The following COL4A6 variants were observed in gnomAD, a reference collection of about 807,000 sequenced individuals.
COL4A6 encodes collagen alpha-6(IV) chain.
A neutral mutation model predicts 126.7 loss-of-function variants in COL4A6; 59 were observed. That is an observed-to-expected ratio of 0.47 (90% CI 0.38 to 0.58). The LOEUF (loss-of-function observed/expected upper bound fraction) is 0.58, where lower values mean the gene tolerates loss of function less well. Among genes scored for constraint, COL4A6 ranks in the 20% least tolerant of loss-of-function variants. The pLI is 0.00. For missense variants in COL4A6, 1,285 were observed against 1,337.3 expected (o/e 0.96, Z 0.61); for synonymous variants, 547 against 496.6 (o/e 1.10, Z -1.35).
chrX:108,181,002 C>A (rs751646182), intron 23 of COL4A6, 34 bp from the exon 24 acceptor site: 16 of 1,134,976 alleles, frequency 1.4e-5, no homozygotes, highest in Non-Finnish European at 1.8e-5. Context: ...TTCAGTGAAC[C>A]CAGAGTTAGG....
At chrX:108,190,063 C>T (rs1443229636) in intron 20 of COL4A6, among the ~76,000 whole-genome samples, 1 of 112,021 alleles carries the variant, frequency 8.9e-6, no homozygotes, top group Non-Finnish European at 1.9e-5. Flanking sequence ...GTTTAGAGCA[C>T]TTTGCTTAAG....
chrX:108,174,400 G>C, intron 31 of COL4A6, 40 bp downstream of exon 31: 1 of 1,184,018 alleles, frequency 8.4e-7, no homozygotes, highest in East Asian at 3.0e-5. Flanking sequence ...GAGATGGGGG[G>C]CCTTTTCTGG....
At chrX:108,419,187 T>C (rs1279788439) in intron 2 of COL4A6, among the ~76,000 whole-genome samples, 1 of 112,376 alleles carries the variant, frequency 8.9e-6, no homozygotes, top group Non-Finnish European at 1.9e-5. Context: ...CACCAGGCTA[T>C]TGATTTCATT....
At chrX:108,358,392 CTT>C (rs34175473) in intron 2 of COL4A6, among the ~76,000 whole-genome samples, 12 of 95,448 alleles carry the variant, frequency 1.3e-4, no homozygotes, top group Middle Eastern at 4.9e-3. Flanking sequence ...AGGATAATGA[CTT>C]TTTTTTTTTT....
intron 3 of COL4A6, among the ~76,000 whole-genome samples, chrX:108,275,624 T>C (rs1250336408): frequency 8.9e-6 from 1 of 112,907 alleles, no homozygotes; most frequent in Non-Finnish European, 1.9e-5. Context: ...CTTGCCACAT[T>C]CTAACTGGGC....
At chrX:108,317,976 T>G (rs1195114589) in intron 2 of COL4A6, among the ~76,000 whole-genome samples, 1 of 111,629 alleles carries the variant, frequency 9.0e-6, no homozygotes, top group Non-Finnish European at 1.9e-5. Flanking sequence ...AAGTCATTGG[T>G]AGCTTGATGG....
chrX:108,160,699 A>G, intron 42 of COL4A6, 45 bp from the exon 43 acceptor site: 1 of 1,077,027 alleles, frequency 9.3e-7, no homozygotes, highest in Non-Finnish European at 1.3e-6. Flanking sequence ...GCAGCTAATG[A>G]CAACATCAGC....
chrX:108,304,987 T>C (rs1336074162), intron 3 of COL4A6, among the ~76,000 whole-genome samples: 2 of 112,030 alleles, frequency 1.8e-5, no homozygotes, highest in African/African-American at 3.2e-5. Context: ...GGTCAGTCTT[T>C]CATGAGACAG....
intron 2 of COL4A6, among the ~76,000 whole-genome samples, chrX:108,340,845 G>A: frequency 1.3e-5 from 1 of 77,526 alleles, no homozygotes; most frequent in African/African-American, 5.6e-5. Flanking sequence ...GGGTGGGGGG[G>A]GGGAATGGAC....
At chrX:108,260,751 T>C (rs1004357953) in intron 3 of COL4A6, among the ~76,000 whole-genome samples, 3 of 110,012 alleles carry the variant, frequency 2.7e-5, no homozygotes, top group African/African-American at 6.6e-5. Flanking sequence ...TGTGGGATGA[T>C]TGAAGTTGAT....
intron 5 of COL4A6, among the ~76,000 whole-genome samples, chrX:108,218,208 C>T (rs1296362572): frequency 1.8e-5 from 2 of 112,565 alleles, no homozygotes; most frequent in Non-Finnish European, 3.8e-5. Flanking sequence ...CCAAGTCCTC[C>T]ACTCATCTCT....
intron 44 of COL4A6, among the ~76,000 whole-genome samples, chrX:108,158,676 G>A (rs1188032360): frequency 8.9e-6 from 1 of 111,848 alleles, no homozygotes; most frequent in African/African-American, 3.3e-5. Context: ...GCTAATGTTG[G>A]GGAGCCTGCA....
intron 1 of COL4A6, 50 bp downstream of exon 1, chrX:108,438,136 G>C (rs2064305331): frequency 9.9e-6 from 12 of 1,209,735 alleles, no homozygotes; most frequent in Non-Finnish European, 1.3e-5. Context: ...GCCTGGCAAA[G>C]TAACCCGAAG....
chrX:108,203,441 C>G (rs942254182), intron 12 of COL4A6, among the ~76,000 whole-genome samples: 13 of 112,268 alleles, frequency 1.2e-4, no homozygotes, highest in Non-Finnish European at 3.8e-5. Flanking sequence ...CATGGAAAAG[C>G]TCCCTAAGTT....
At chrX:108,277,616 C>G (rs910962116) in intron 3 of COL4A6, among the ~76,000 whole-genome samples, 1 of 112,309 alleles carries the variant, frequency 8.9e-6, no homozygotes, top group Non-Finnish European at 1.9e-5. Context: ...ACGTCCCTGT[C>G]TGACAGCTTT....
At position 108,205,488 on chromosome X, in the gene COL4A6, A is replaced by G. The variant is rs1156453000; in HGVS notation, c.646-8T>C. 5.1e-6 allele frequency: 6 copies of G among 1,174,245 alleles called. No homozygotes were observed. The highest frequency in any genetic ancestry group is 1.2e-6 in the Non-Finnish European group (1 of 866,570). On this transcript the variant is annotated splice_polypyrimidine_tract_variant and splice_region_variant and intron_variant, in intron 10 of 44. Transcript: ENST00000334504. The stretch of plus-strand genomic sequence containing the variant: ...ACCTAGCCCCATATTCCCCTAGGGA[A>G]TAGGGATATAGGGAGGAAAAACAAA...
intron 44 of COL4A6, 55 bp downstream of exon 44, chrX:108,159,407 C>T: frequency 1.7e-6 from 2 of 1,169,012 alleles, no homozygotes; most frequent in Non-Finnish European, 2.3e-6. Context: ...GCCTGGGAAC[C>T]AGTCCAAGGG....
intron 2 of COL4A6, among the ~76,000 whole-genome samples, chrX:108,409,320 C>T (rs1278429986): frequency 8.9e-6 from 1 of 111,939 alleles, no homozygotes; most frequent in Non-Finnish European, 1.9e-5. Context: ...AGAGACCTTT[C>T]ATAAAGGCCA....
chrX:108,383,266 A>C (rs1263514715), intron 2 of COL4A6: 2 of 157,839 alleles, frequency 1.3e-5, no homozygotes, highest in Non-Finnish European at 2.6e-5. Context: ...CTTTAAAACA[A>C]AATATGTTGC....
Sources: allele counts gnomAD v4.1 joint callset (sites outside exome capture counted in the v4.1 genomes callset), GRCh38; gene constraint gnomAD v4.1.1; transcripts MANE v1.5; gene names NCBI Gene and HGNC (gene_info 2026-07-23, HGNC 2026-07-21).